Variants in THSD7B observed in about 807,000 individuals in gnomAD.
THSD7B encodes the protein thrombospondin type-1 domain-containing protein 7B.
In THSD7B, 138 loss-of-function variants were observed where a neutral mutation model predicts 213.6. The ratio of observed to expected loss-of-function variants is 0.65; its 90% CI spans 0.56 to 0.74. The LOEUF is 0.74. THSD7B is among the 30% of genes least tolerant of loss of function. The pLI is 0.00. For missense variants in THSD7B, 1,931 were observed against 1,991.5 expected (o/e 0.97, Z 0.58); for synonymous variants, 742 against 687.0 (o/e 1.08, Z -1.25).
At chr2:137,550,697 T>A (rs1398514364) in intron 15 of THSD7B, among the ~76,000 whole-genome samples, 1 of 152,028 alleles carries the variant, frequency 6.6e-6, no homozygotes, top group African/African-American at 2.4e-5. Flanking sequence ...ATTTATTAAG[T>A]CTCAGTGCTT....
At chr2:137,054,051 G>A (rs1451999762) in intron 2 of THSD7B, among the ~76,000 whole-genome samples, 1 of 152,168 alleles carries the variant, frequency 6.6e-6, no homozygotes, top group Non-Finnish European at 1.5e-5. Flanking sequence ...GACAGAGAAA[G>A]CCTCCCAATC....
intron 16 of THSD7B, among the ~76,000 whole-genome samples, chr2:137,569,467 G>C (rs957995801): frequency 2.6e-5 from 4 of 152,144 alleles, no homozygotes; most frequent in African/African-American, 7.2e-5. Flanking sequence ...TCACCGGCAG[G>C]GGGAGGGGAT....
intron 17 of THSD7B, among the ~76,000 whole-genome samples, chr2:137,602,392 C>T (rs1229811094): frequency 6.6e-6 from 1 of 152,052 alleles, no homozygotes; most frequent in Non-Finnish European, 1.5e-5. Flanking sequence ...GCCTCAGCCT[C>T]CTAAGTAGGT....
intron 2 of THSD7B, among the ~76,000 whole-genome samples, chr2:137,018,988 T>A (rs1369503734): frequency 6.6e-6 from 1 of 152,184 alleles, no homozygotes; most frequent in Non-Finnish European, 1.5e-5. Flanking sequence ...AAGATTTTAG[T>A]CTCAGCCTCC....
At chr2:137,298,779 G>A (rs1683528007) in intron 12 of THSD7B, among the ~76,000 whole-genome samples, 1 of 152,188 alleles carries the variant, frequency 6.6e-6, no homozygotes, top group African/African-American at 2.4e-5. Flanking sequence ...GTGCACAGAA[G>A]TCAAGAATTG....
chr2:136,917,088 A>G (rs1430077128), intron 2 of THSD7B, among the ~76,000 whole-genome samples: 1 of 152,234 alleles, frequency 6.6e-6, no homozygotes, highest in African/African-American at 2.4e-5. Context: ...TGGATAAATC[A>G]TCAATAACTT....
chr2:136,843,824 G>T (rs1573665152), intron 1 of THSD7B, among the ~76,000 whole-genome samples: 2 of 152,282 alleles, frequency 1.3e-5, no homozygotes, highest in Middle Eastern at 3.4e-3. Context: ...CTGATGTGTT[G>T]TCATATGGTG....
At chr2:136,936,198 G>C (rs1684724065) in intron 2 of THSD7B, among the ~76,000 whole-genome samples, 2 of 151,952 alleles carry the variant, frequency 1.3e-5, no homozygotes, top group African/African-American at 4.8e-5. Flanking sequence ...GTGGTGAAAA[G>C]CGAACATTTC....
At chr2:136,879,524 C>A (rs1282942259) in intron 1 of THSD7B, among the ~76,000 whole-genome samples, 1 of 152,246 alleles carries the variant, frequency 6.6e-6, no homozygotes, top group East Asian at 1.9e-4. Flanking sequence ...GCCATTTTCA[C>A]GATATTGATT....
At chr2:137,213,439 ATATAT>A (rs1681166323) in intron 7 of THSD7B, among the ~76,000 whole-genome samples, 1 of 148,018 alleles carries the variant, frequency 6.8e-6, no homozygotes, top group Non-Finnish European at 1.5e-5. Context: ...TATATAGATT[ATATAT>A]TATAATATAT....
At chr2:137,594,816 T>TC (rs1558853281) in intron 17 of THSD7B, among the ~76,000 whole-genome samples, 1 of 151,926 alleles carries the variant, frequency 6.6e-6, no homozygotes, top group African/African-American at 2.4e-5. Context: ...AAGCCTGATA[T>TC]CATAAAAATA....
intron 12 of THSD7B, among the ~76,000 whole-genome samples, chr2:137,379,666 A>T (rs557376692): frequency 2.5e-4 from 38 of 152,334 alleles, no homozygotes; most frequent in African/African-American, 8.9e-4. Flanking sequence ...CAGTAATGAG[A>T]TTGCTAGAAC....
intron 10 of THSD7B, among the ~76,000 whole-genome samples, chr2:137,252,760 C>T (rs928330034): frequency 6.6e-6 from 1 of 152,076 alleles, no homozygotes; most frequent in Non-Finnish European, 1.5e-5. Context: ...TGTGGTGTTC[C>T]ACGGGGAGGT....
intron 15 of THSD7B, among the ~76,000 whole-genome samples, chr2:137,462,768 A>C (rs1284284314): frequency 2.6e-5 from 4 of 151,896 alleles, no homozygotes; most frequent in African/African-American, 9.7e-5. Flanking sequence ...AGTAAACCTT[A>C]TTTTACTTAA....
intron 20 of THSD7B, among the ~76,000 whole-genome samples, chr2:137,626,412 C>G (rs984784041): frequency 7.1e-6 from 1 of 140,720 alleles, no homozygotes; most frequent in Non-Finnish European, 1.5e-5. Flanking sequence ...TGCAGTGAGC[C>G]AAGATAGCGC....
intron 9 of THSD7B, 95 bp from the exon 10 acceptor site, chr2:137,242,362 G>A (rs189960527): frequency 2.3e-6 from 2 of 875,654 alleles, no homozygotes; most frequent in East Asian, 2.6e-5. Context: ...GGGAACATGA[G>A]GCCCTTAATA....
intron 20 of THSD7B, among the ~76,000 whole-genome samples, chr2:137,632,884 T>A (rs756240090): frequency 2.6e-4 from 39 of 152,246 alleles, no homozygotes; most frequent in Non-Finnish European, 3.8e-4. Flanking sequence ...CTATAGAATG[T>A]TTATCTTGCT....
At chr2:137,405,584 A>G (rs2105004638) in intron 12 of THSD7B, 29 bp from the exon 13 acceptor site, 1 of 1,560,284 alleles carries the variant, frequency 6.4e-7, no homozygotes, top group Non-Finnish European at 8.7e-7. Flanking sequence ...AATCAAAATA[A>G]TAACAAAAGA....
At chr2:137,312,160 A>G (rs2104863282) in intron 12 of THSD7B, among the ~76,000 whole-genome samples, 1 of 152,150 alleles carries the variant, frequency 6.6e-6, no homozygotes. Context: ...TTGGTAAGCT[A>G]TTGATTATTG....
Sources: allele counts gnomAD v4.1 joint callset (sites outside exome capture counted in the v4.1 genomes callset), GRCh38; gene constraint gnomAD v4.1.1; transcripts MANE v1.5; gene names NCBI Gene and HGNC (gene_info 2026-07-23, HGNC 2026-07-21).